The following STK24 variants were observed in gnomAD, a reference collection of about 807,000 sequenced individuals.
STK24 encodes the protein serine/threonine kinase 24, also known as serine/threonine-protein kinase 24.
A neutral mutation model predicts 55.6 loss-of-function variants in STK24; 21 were observed. The observed-to-expected ratio is 0.38, with a 90% CI of 0.27 to 0.54. The LOEUF (loss-of-function observed/expected upper bound fraction) is 0.54, where lower values mean the gene tolerates loss of function less well. Ranked by LOEUF, STK24 falls within the 20% of genes least tolerant of loss-of-function variation. The pLI, the probability that STK24 is intolerant of heterozygous loss-of-function variation, is 0.79. For missense variants in STK24, 383 were observed against 538.4 expected (o/e 0.71, Z 2.86); for synonymous variants, 200 against 215.2 (o/e 0.93, Z 0.62).
rs561775901 is a variant in STK24 at position 98,453,120 on chromosome 13, G to A, written c.*53C>T. 14 of 1,601,520 alleles carry A rather than the reference G, an allele frequency of 8.7e-6. No individual in the cohort carries two copies. The African/African-American group carries it at 1.7e-4, about 20-fold the overall frequency. On this transcript the variant is annotated 3_prime_UTR_variant, in exon 11 of 11. Transcript: ENST00000539966. ...GCTCTCGTTGACTTTTAAAAAAGGA[G>A]GAGGATGAAGAAGGAAAAAAGGAAA...
At position 98,542,790 on chromosome 13, in the gene STK24, G is replaced by A. The variant is rs1364100756; in HGVS notation, c.43-23317C>T. 2.9e-5 allele frequency: 28 copies of A among 974,212 alleles called. No homozygotes were observed. The East Asian group carries it at 1.1e-3, about 40-fold the overall frequency. 60.3% of individuals were successfully genotyped at this position (974,212 alleles called of 1,614,324 possible). Reference sequence around the variant, plus strand: ...TGATGGTGCAATCTACTTTCTATGCGTTTGTCTTTTACTCTACTTTCTCCA... The same window carrying A: ...TGATGGTGCAATCTACTTTCTATGCATTTGTCTTTTACTCTACTTTCTCCA... On this transcript the variant is annotated intron_variant, in intron 1 of 10. Transcript: ENST00000539966.
chr13:98,571,958 G>T (rs1460023002), intron 1 of STK24, among the ~76,000 whole-genome samples: 1 of 152,194 alleles, frequency 6.6e-6, no homozygotes, highest in Non-Finnish European at 1.5e-5. Context: ...AAGAACAGGA[G>T]ATCATCTGCT....
chr13:98,484,729 C>A (rs1344372243), intron 2 of STK24, among the ~76,000 whole-genome samples: 2 of 152,196 alleles, frequency 1.3e-5, no homozygotes, highest in African/African-American at 4.8e-5. Flanking sequence ...ACACCTCAAC[C>A]AAGTTTTCTG....
intron 1 of STK24, among the ~76,000 whole-genome samples, chr13:98,559,786 A>G (rs1897371568): frequency 6.6e-6 from 1 of 152,176 alleles, no homozygotes; most frequent in Admixed American, 6.5e-5. Context: ...CAAAGAGAAA[A>G]AGCAAATGAG....
Position 98,450,354 on chromosome 13 carries a change from T to C in STK24, c.*2819A>G, listed in dbSNP as rs1482525758. On this transcript the variant is annotated 3_prime_UTR_variant, in exon 11 of 11. Transcript: ENST00000539966. Reference sequence around the variant, plus strand: ...GGAAATATAAAAAATGTTTATAAACTGACAGTGTTTTGCCAGAGGAAAGGT... The same window carrying C: ...GGAAATATAAAAAATGTTTATAAACCGACAGTGTTTTGCCAGAGGAAAGGT... 6.6e-6 allele frequency: 1 copy of C among 152,192 alleles called. No individual in the cohort carries two copies. The highest frequency in any genetic ancestry group is 1.5e-5 in the Non-Finnish European group (1 of 68,038). 9.4% of individuals were successfully genotyped at this position (152,192 alleles called of 1,614,324 possible).
chr13:98,549,621 G>A (rs9513442), intron 1 of STK24, among the ~76,000 whole-genome samples: 27,586 of 151,994 alleles, frequency 0.18, 2,595 homozygotes, highest in South Asian at 0.25. Flanking sequence ...GTGACTGCCT[G>A]TTCCCACTTC....
At chr13:98,505,733 C>T (rs1895658761) in intron 2 of STK24, among the ~76,000 whole-genome samples, 1 of 152,232 alleles carries the variant, frequency 6.6e-6, no homozygotes, top group African/African-American at 2.4e-5. Context: ...AATGTCAAAA[C>T]ATCAACACTT....
intron 8 of STK24, 28 bp downstream of exon 8, chr13:98,461,746 G>T (rs200580902): frequency 1.9e-5 from 30 of 1,609,790 alleles, no homozygotes; most frequent in Non-Finnish European, 2.5e-5. Context: ...TGAGGTCAGC[G>T]TGGCCATTCT....
chr13:98,478,733 TTAAG>T (rs1332038107), intron 3 of STK24, among the ~76,000 whole-genome samples: 3 of 152,246 alleles, frequency 2.0e-5, no homozygotes, highest in Non-Finnish European at 2.9e-5. Flanking sequence ...CTCTGCCTGA[TTAAG>T]TGACTGGTTT....
chr13:98,557,562 G>A (rs1368443223), intron 1 of STK24, among the ~76,000 whole-genome samples: 2 of 152,154 alleles, frequency 1.3e-5, no homozygotes, highest in Non-Finnish European at 1.5e-5. Context: ...CTGGGAAACC[G>A]CAATGAGACC....
At chr13:98,560,267 G>C (rs1897385198) in intron 1 of STK24, among the ~76,000 whole-genome samples, 1 of 152,164 alleles carries the variant, frequency 6.6e-6, no homozygotes, top group African/African-American at 2.4e-5. Context: ...GCTCAATATT[G>C]CCCCTGACCC....
chr13:98,514,987 C>T (rs1305998632), intron 2 of STK24, among the ~76,000 whole-genome samples: 1 of 151,608 alleles, frequency 6.6e-6, no homozygotes. Flanking sequence ...GCCCAAACAG[C>T]GACCAGTTGA....
chr13:98,477,144 C>G (rs534488863), intron 3 of STK24, among the ~76,000 whole-genome samples: 2 of 152,300 alleles, frequency 1.3e-5, no homozygotes, highest in African/African-American at 4.8e-5. Context: ...ATAAGAAATG[C>G]ATATCAAAAC....
At chr13:98,480,764 T>A (rs1894551474) in intron 3 of STK24, among the ~76,000 whole-genome samples, 1 of 152,228 alleles carries the variant, frequency 6.6e-6, no homozygotes, top group South Asian at 2.1e-4. Flanking sequence ...TAGAATTAAA[T>A]TTTTTACAGA....
At chr13:98,473,819 C>T (rs1305847045) in intron 5 of STK24, among the ~76,000 whole-genome samples, 3 of 152,242 alleles carry the variant, frequency 2.0e-5, no homozygotes, top group South Asian at 2.1e-4. Context: ...ACAACCTGGA[C>T]GCTTTCTAAC....
intron 5 of STK24, among the ~76,000 whole-genome samples, chr13:98,469,663 G>T (rs186927627): frequency 7.9e-5 from 12 of 152,036 alleles, no homozygotes; most frequent in Admixed American, 2.6e-4. Flanking sequence ...TGCAACCCAG[G>T]GTGTATGGTT....
chr13:98,482,777 G>GC (rs1300457892), intron 2 of STK24, among the ~76,000 whole-genome samples: 6 of 152,038 alleles, frequency 3.9e-5, no homozygotes, highest in Non-Finnish European at 7.4e-5. Context: ...CCTCCCCTGC[G>GC]CCCCCCACCC....
At position 98,568,217 on chromosome 13, in the gene STK24, G is replaced by A. The variant is rs535002738; in HGVS notation, c.42+8528C>T. On this transcript the variant is annotated intron_variant, in intron 1 of 10. Coordinates refer to ENST00000539966, the MANE Select transcript of STK24 (RefSeq NM_001032296.4). ...TCACCATGTTGGTCAGGCTGGTCTC[G>A]AAATCCTGACCTCAAATGATCCACC... Among the ~76,000 whole-genome samples, 623 of 152,160 alleles carry A rather than the reference G, an allele frequency of 4.1e-3. 1 individual carries two copies. The highest frequency in any genetic ancestry group is 0.01 in the Middle Eastern group (3 of 294).
intron 1 of STK24, among the ~76,000 whole-genome samples, chr13:98,553,993 T>C (rs761731166): frequency 5.1e-4 from 74 of 145,522 alleles, no homozygotes; most frequent in Non-Finnish European, 6.0e-4. Context: ...ACCCAGGAGG[T>C]GGAGGCTGCA....
Sources: allele counts gnomAD v4.1 joint callset (sites outside exome capture counted in the v4.1 genomes callset), GRCh38; gene constraint gnomAD v4.1.1; transcripts MANE v1.5; gene names NCBI Gene and HGNC (gene_info 2026-07-23, HGNC 2026-07-21).